The following NFIA variants were observed in gnomAD, a reference collection of about 807,000 sequenced individuals.
The protein encoded by NFIA is nuclear factor 1 A-type.
A neutral mutation model predicts 62.8 loss-of-function variants in NFIA; 8 were observed. The ratio of observed to expected loss-of-function variants is 0.13; its 90% CI spans 0.07 to 0.23. The LOEUF is 0.23. Among genes scored for constraint, NFIA ranks in the 10% least tolerant of loss-of-function variants. NFIA has a pLI of 1.00. For synonymous variants in NFIA, 235 were observed against 238.1 expected (o/e 0.99, Z 0.12); for missense variants, 410 against 642.1 (o/e 0.64, Z 3.91).
intron 2 of NFIA, among the ~76,000 whole-genome samples, chr1:61,187,851 G>A (rs548531593): frequency 4.9e-4 from 74 of 152,258 alleles, no homozygotes; most frequent in Non-Finnish European, 9.1e-4. Flanking sequence ...TCCTTTTGTT[G>A]AAGTGGGTCT....
chr1:61,398,038 T>A (rs1017868242), intron 7 of NFIA, among the ~76,000 whole-genome samples: 1 of 152,046 alleles, frequency 6.6e-6, no homozygotes, highest in African/African-American at 2.4e-5. Flanking sequence ...GCTTGGAGAG[T>A]GAACAAGAAT....
In NFIA at chr1:61,082,696, C is replaced by G. The variant is rs939845492; in HGVS notation, c.-96C>G. The G allele has an allele frequency of 2.0e-6, 3 of 1,530,494 alleles. No homozygotes were observed. The highest frequency in any genetic ancestry group is 2.8e-5 in the African/African-American group (2 of 71,290). The allele number at this position is 1,530,494 out of a possible 1,614,324, so 94.8% of individuals were successfully genotyped here. On this transcript the variant is annotated 5_prime_UTR_variant, in exon 1 of 11. Transcript: ENST00000403491. ...CTTCTCTCTCTCTCTCTCTCTCTCT[C>G]TTCCTCTCTCCCTCTTTCTCCTCTC... is the stretch of plus-strand genomic sequence containing the variant.
intron 9 of NFIA, among the ~76,000 whole-genome samples, chr1:61,415,742 A>G (rs1666318832): frequency 1.3e-5 from 2 of 152,206 alleles, no homozygotes; most frequent in African/African-American, 2.4e-5. Flanking sequence ...AGTTTTTTAT[A>G]TATATAAAAT....
At chr1:61,122,021 T>C (rs929158928) in intron 2 of NFIA, among the ~76,000 whole-genome samples, 4 of 152,194 alleles carry the variant, frequency 2.6e-5, no homozygotes, top group African/African-American at 7.2e-5. Flanking sequence ...GTTATAGTTA[T>C]AAGGGACCAT....
At chr1:61,336,124 C>G (rs1378156223) in intron 4 of NFIA, among the ~76,000 whole-genome samples, 6 of 152,098 alleles carry the variant, frequency 3.9e-5, no homozygotes, top group Non-Finnish European at 8.8e-5. Flanking sequence ...TAGCTGACTG[C>G]CTACCTTTTC....
At chr1:61,174,998 C>G (rs1650227336) in intron 2 of NFIA, among the ~76,000 whole-genome samples, 3 of 152,050 alleles carry the variant, frequency 2.0e-5, no homozygotes, top group Admixed American at 2.0e-4. Flanking sequence ...ATGTGGCCTC[C>G]TCCCCAATGC....
At chr1:61,351,363 G>T (rs1662540638) in intron 4 of NFIA, among the ~76,000 whole-genome samples, 1 of 152,190 alleles carries the variant, frequency 6.6e-6, no homozygotes, top group Non-Finnish European at 1.5e-5. Context: ...TTCATTGGAT[G>T]TACAAATGTC....
chr1:61,188,816 T>G (rs1317340265), intron 2 of NFIA, among the ~76,000 whole-genome samples: 1 of 152,216 alleles, frequency 6.6e-6, no homozygotes, highest in African/African-American at 2.4e-5. Flanking sequence ...TTTTTCCAAG[T>G]TACGTATATT....
intron 6 of NFIA, among the ~76,000 whole-genome samples, chr1:61,366,266 A>AT (rs1305136954): frequency 6.6e-6 from 1 of 152,062 alleles, no homozygotes; most frequent in African/African-American, 2.4e-5. Flanking sequence ...AAGTACAGAC[A>AT]TATCAGTAAG....
intron 2 of NFIA, among the ~76,000 whole-genome samples, chr1:61,154,487 G>A (rs1267045089): frequency 2.0e-5 from 3 of 152,110 alleles, no homozygotes; most frequent in Non-Finnish European, 4.4e-5. Flanking sequence ...GTCTTACTCT[G>A]TCACCCAGAC....
chr1:61,348,179 G>A (rs1662350345), intron 4 of NFIA, among the ~76,000 whole-genome samples: 1 of 152,214 alleles, frequency 6.6e-6, no homozygotes, highest in African/African-American at 2.4e-5. Flanking sequence ...CCCCTCAAGT[G>A]TGAAGCTTTC....
In NFIA at chr1:61,383,357, G is replaced by A; in HGVS notation, c.1067G>A (p.Gly356Glu). 1 of 1,613,860 alleles carries A rather than the reference G, an allele frequency of 6.2e-7. No individual in the cohort carries two copies. The highest frequency in any genetic ancestry group is 2.2e-5 in the East Asian group (1 of 44,860). The part of the protein sequence containing the change: ...FTQHHRPVIT[G>E]PRASPHATPS... ...CAGCATCACCGACCTGTCATTACAG[G>A]ACCCAGAGGTGAGCTGCTCCACAGG... Residue 356 changes from glycine (G) to glutamate (E), a missense_variant, in exon 7 of 11, where the codon GGA (glycine) becomes GAA (glutamate). By Grantham distance (98) the Gly-to-Glu change is moderately conservative. Transcript: ENST00000403491.
chr1:61,361,774 T>G (rs1264647026), intron 6 of NFIA, among the ~76,000 whole-genome samples: 1 of 142,924 alleles, frequency 7.0e-6, no homozygotes, highest in African/African-American at 2.7e-5. Flanking sequence ...GAATCCTTTT[T>G]GGTAAGAGGT....
intron 3 of NFIA, among the ~76,000 whole-genome samples, chr1:61,317,089 A>G (rs1416153247): frequency 6.6e-6 from 1 of 152,162 alleles, no homozygotes; most frequent in African/African-American, 2.4e-5. Flanking sequence ...AATTAAATAA[A>G]TTAAATTCAG....
intron 3 of NFIA, among the ~76,000 whole-genome samples, chr1:61,312,313 G>A (rs1660160889): frequency 6.6e-6 from 1 of 152,200 alleles, no homozygotes; most frequent in African/African-American, 2.4e-5. Context: ...TAAGTGCAGT[G>A]TCCACATGCC....
intron 8 of NFIA, among the ~76,000 whole-genome samples, chr1:61,404,720 A>T (rs1248831524): frequency 2.0e-5 from 3 of 152,222 alleles, no homozygotes; most frequent in Non-Finnish European, 4.4e-5. Flanking sequence ...TGAAAAATAC[A>T]GTCTTGTAAC....
chr1:61,096,424 G>A (rs1033303601), intron 2 of NFIA, among the ~76,000 whole-genome samples: 7 of 151,862 alleles, frequency 4.6e-5, no homozygotes, highest in African/African-American at 1.2e-4. Flanking sequence ...GGCTGGTCTC[G>A]AACTCCTGGC....
At chr1:61,163,539 G>A (rs1649360447) in intron 2 of NFIA, among the ~76,000 whole-genome samples, 1 of 151,770 alleles carries the variant, frequency 6.6e-6, no homozygotes, top group Admixed American at 6.6e-5. Flanking sequence ...TATCATTATT[G>A]TCACCATGAT....
chr1:61,462,024 G>GTTTTTTTTTTTTTTTTTTTGTT lies in NFIA; in HGVS notation c.*6722_*6723insTGTTTTTTTTTTTTTTTTTTTT, dbSNP rs368139522. 1.4e-4 allele frequency: 10 copies of GTTTTTTTTTTTTTTTTTTTGTT among 73,182 alleles called. No individual in the cohort carries two copies. The highest frequency in any genetic ancestry group is 4.1e-4 in the East Asian group (1 of 2,418). The allele number at this position is 73,182 out of a possible 1,614,324, so 4.5% of individuals were successfully genotyped here. On this transcript the variant is annotated 3_prime_UTR_variant, in exon 11 of 11. Coordinates refer to ENST00000403491, the MANE Select transcript of NFIA (RefSeq NM_001134673.4). ...ATAGTCTGTAAGTTAGCCTTTTTGG[G>GTTTTTTTTTTTTTTTTTTTGTT]TTTTTTTTTTTTTTTTTTGGCTTTT... is the stretch of plus-strand genomic sequence containing the variant.
Sources: allele counts gnomAD v4.1 joint callset (sites outside exome capture counted in the v4.1 genomes callset), GRCh38; gene constraint gnomAD v4.1.1; transcripts MANE v1.5; gene names NCBI Gene and HGNC (gene_info 2026-07-23, HGNC 2026-07-21).